Variants in ADAM22 observed in about 807,000 individuals in gnomAD.
ADAM22 encodes the protein disintegrin and metalloproteinase domain-containing protein 22.
Under a neutral mutation model 144.6 loss-of-function variants are expected in ADAM22, and 65 were observed. The ratio of observed to expected loss-of-function variants is 0.45; its 90% CI spans 0.37 to 0.55. The LOEUF is 0.55. Among genes scored for constraint, ADAM22 ranks in the 20% least tolerant of loss-of-function variants. ADAM22 has a pLI of 0.00. For missense variants in ADAM22, 974 were observed against 1,184.9 expected, an observed-to-expected ratio of 0.82 and a Z score of 2.61; for synonymous variants, 391 against 412.6, an observed-to-expected ratio of 0.95 and a Z score of 0.63.
chr7:88,107,289 C>T (rs995498727), intron 4 of ADAM22, among the ~76,000 whole-genome samples: 4 of 147,916 alleles, frequency 2.7e-5, no homozygotes, highest in African/African-American at 1.0e-4. Context: ...GCGACCTCCA[C>T]TTCCCTGGTT....
At chr7:87,971,150 G>A (rs1038933252) in intron 2 of ADAM22, among the ~76,000 whole-genome samples, 1 of 151,840 alleles carries the variant, frequency 6.6e-6, no homozygotes, top group East Asian at 1.9e-4. Context: ...TGTCAGCTAT[G>A]GTCATGTTAT....
rs180878994 is a variant in ADAM22 at position 88,032,239 on chromosome 7, G to A, written c.324-43387G>A. Among the ~76,000 whole-genome samples, 11 of 152,296 alleles carry A rather than the reference G, an allele frequency of 7.2e-5. No individual in the cohort carries two copies. The South Asian group carries it at 1.2e-3, about 17-fold the overall frequency. ...GTACTCAACACCAGCCTGTGAAAGC[G>A]GCCATTGGGTCTGTATTCTGCAAAA... On this transcript the variant is annotated intron_variant, in intron 3 of 31. Coordinates refer to ENST00000413139, the MANE Select transcript of ADAM22 (RefSeq NM_001324418.2).
rs1491389091 is a variant in ADAM22 at position 88,113,704 on chromosome 7, A to ATG, written c.474-879_474-878insGT. Among the ~76,000 whole-genome samples, 99 of 28,068 alleles carry ATG rather than the reference A, an allele frequency of 3.5e-3. 3 individuals carry two copies. Among genetic ancestry groups the ATG allele is most frequent in the Admixed American group, 0.02 (44 of 2,214 alleles). 18.4% of individuals were successfully genotyped at this position (28,068 alleles called of 152,430 possible). ...ATATATATTATAAATAAATAAATAA[A>ATG]TATATATATATATATATATATATAT... On this transcript the variant is annotated intron_variant, in intron 5 of 31. Transcript: ENST00000413139.
At chr7:88,195,547 G>A (rs569988237) in intron 31 of ADAM22, among the ~76,000 whole-genome samples, 5 of 152,150 alleles carry the variant, frequency 3.3e-5, no homozygotes, top group South Asian at 2.1e-4. Flanking sequence ...ATGGAGTCTC[G>A]CTCAGTCGCC....
intron 3 of ADAM22, among the ~76,000 whole-genome samples, chr7:88,007,188 C>T (rs367873177): frequency 6.6e-6 from 1 of 152,160 alleles, no homozygotes; most frequent in Admixed American, 6.5e-5. Context: ...ATCCAACTTA[C>T]AAGGGATGTG....
intron 2 of ADAM22, among the ~76,000 whole-genome samples, chr7:87,935,684 A>T (rs1253491506): frequency 2.0e-5 from 3 of 152,232 alleles, no homozygotes; most frequent in Non-Finnish European, 4.4e-5. Flanking sequence ...CTATTCGCAC[A>T]CATTTGTGGA....
chr7:88,141,248 C>T (rs1834544348), intron 14 of ADAM22, among the ~76,000 whole-genome samples: 1 of 152,142 alleles, frequency 6.6e-6, no homozygotes, highest in Admixed American at 6.5e-5. Context: ...AGGCTGATTG[C>T]TCAAGTTGAT....
intron 3 of ADAM22, among the ~76,000 whole-genome samples, chr7:88,004,952 G>A (rs1039636650): frequency 1.4e-4 from 21 of 152,136 alleles, no homozygotes; most frequent in African/African-American, 4.3e-4. Context: ...GTTTGACTTT[G>A]GATAATCCAG....
chr7:88,104,242 C>G (rs1177511893), intron 4 of ADAM22, among the ~76,000 whole-genome samples: 1 of 152,044 alleles, frequency 6.6e-6, no homozygotes, highest in Non-Finnish European at 1.5e-5. Flanking sequence ...AAAAGAAAGT[C>G]AAGTGGCTGA....
intron 3 of ADAM22, among the ~76,000 whole-genome samples, chr7:88,023,828 C>CT (rs1798373031): frequency 6.6e-6 from 1 of 151,706 alleles, no homozygotes; most frequent in Admixed American, 6.6e-5. Context: ...CCCCCACTTC[C>CT]CCCCTACCCT....
At chr7:87,940,340 G>T (rs1842245864) in intron 2 of ADAM22, among the ~76,000 whole-genome samples, 2 of 152,076 alleles carry the variant, frequency 1.3e-5, no homozygotes, top group African/African-American at 4.8e-5. Context: ...GTTAAAAAGA[G>T]TATGGAAATC....
intron 3 of ADAM22, among the ~76,000 whole-genome samples, chr7:88,039,464 A>AAAAAATATATATATATATATATATATAT: frequency 1.3e-5 from 1 of 76,378 alleles, no homozygotes; most frequent in Non-Finnish European, 2.7e-5. Flanking sequence ...AAAAAAAAAA[A>AAAAAATATATATATATATATATATATAT]ATATATATAT....
chr7:88,140,215 C>T (rs996942553), intron 14 of ADAM22, among the ~76,000 whole-genome samples: 14 of 152,086 alleles, frequency 9.2e-5, no homozygotes, highest in African/African-American at 3.1e-4. Context: ...CCACTCTCAA[C>T]ATTGGGGTCA....
At chr7:88,113,693 TA>T (rs1202059927) in intron 5 of ADAM22, among the ~76,000 whole-genome samples, 1 of 59,338 alleles carries the variant, frequency 1.7e-5, no homozygotes. Context: ...ATATTATAAA[TA>T]AATAAATAAA....
At chr7:88,142,012 G>C (rs924120291) in intron 14 of ADAM22, among the ~76,000 whole-genome samples, 19 of 151,292 alleles carry the variant, frequency 1.3e-4, no homozygotes, top group Non-Finnish European at 1.5e-5. Flanking sequence ...TTTTTCTATT[G>C]ACCTTTTATT....
At chr7:87,999,570 C>A (rs1480777044) in intron 3 of ADAM22, among the ~76,000 whole-genome samples, 1 of 152,164 alleles carries the variant, frequency 6.6e-6, no homozygotes, top group African/African-American at 2.4e-5. Flanking sequence ...ACCCTAAAAA[C>A]ACCCAGATAG....
chr7:87,966,197 CAGAAA>C (rs1250733564), intron 2 of ADAM22, among the ~76,000 whole-genome samples: 1 of 152,130 alleles, frequency 6.6e-6, no homozygotes, highest in Non-Finnish European at 1.5e-5. Flanking sequence ...TTTTCTGTAC[CAGAAA>C]AGAGTATCCA....
rs114081882 is a variant in ADAM22, at chr7:88,140,989, G to T, written c.1221-2037G>T. Among the ~76,000 whole-genome samples, 1,192 of 152,306 alleles carry T rather than the reference G, an allele frequency of 7.8e-3. 17 individuals carry two copies. Among genetic ancestry groups the T allele is most frequent in the African/African-American group, 0.027 (1,130 of 41,558 alleles). On this transcript the variant is annotated intron_variant, in intron 14 of 31. Coordinates refer to ENST00000413139, the MANE Select transcript of ADAM22 (RefSeq NM_001324418.2). Reference sequence around the variant, plus strand: ...TGGAGGGGGGAGAGGGTGTGTCATTGCATGCAGAGGAGGGGTCCCAGTGGT... The same window carrying T: ...TGGAGGGGGGAGAGGGTGTGTCATTTCATGCAGAGGAGGGGTCCCAGTGGT...
At chr7:87,952,912 T>A (rs866681267) in intron 2 of ADAM22, among the ~76,000 whole-genome samples, 49 of 152,354 alleles carry the variant, frequency 3.2e-4, no homozygotes, top group African/African-American at 1.1e-3. Context: ...TCTTCTAGAT[T>A]TTCTAGTTTA....
Sources: gnomAD v4.1 joint callset for allele counts (sites outside exome capture counted in the v4.1 genomes callset) on GRCh38, gnomAD v4.1.1 for gene constraint, MANE v1.5 for transcripts, NCBI Gene and HGNC (gene_info 2026-07-23, HGNC 2026-07-21) for gene names.